Variants in TMEM39B observed in about 807,000 individuals in gnomAD.
The protein encoded by TMEM39B is transmembrane protein 39B.
TMEM39B carries 23 observed loss-of-function variants against 52.2 expected under a neutral mutation model. That is an observed-to-expected ratio of 0.44 (90% confidence interval 0.32 to 0.62). The LOEUF is 0.62. TMEM39B is among the 20% of genes least tolerant of loss of function. The pLI is 0.06. For missense variants in TMEM39B, 547 were observed against 642.0 expected, an observed-to-expected ratio of 0.85 and a Z score of 1.60; for synonymous variants, 285 against 264.0, an observed-to-expected ratio of 1.08 and a Z score of -0.77.
chr1:32,101,622 T>A (rs976445294), intron 8 of TMEM39B, among the ~76,000 whole-genome samples: 4 of 152,118 alleles, frequency 2.6e-5, no homozygotes, highest in African/African-American at 9.7e-5. Flanking sequence ...ACTGATGTCT[T>A]CATTTCACAG....
chr1:32,092,092 G>T, intron 6 of TMEM39B, 81 bp downstream of exon 6: 1 of 1,284,072 alleles, frequency 7.8e-7, no homozygotes, highest in Non-Finnish European at 1.1e-6. Context: ...TCTCCTGCTG[G>T]CCTAACTATG....
intron 5 of TMEM39B, among the ~76,000 whole-genome samples, chr1:32,078,613 T>C (rs1392194841): frequency 6.6e-6 from 1 of 152,178 alleles, no homozygotes; most frequent in African/African-American, 2.4e-5. Flanking sequence ...TTTCCCAAAA[T>C]ATTTTCTGTG....
rs1260240018 is a variant in TMEM39B, at chr1:32,075,133, A to G, written c.131+56A>G. 16 of 1,509,460 alleles carry G rather than the reference A, an allele frequency of 1.1e-5. No individual in the cohort carries two copies. The Admixed American group carries it at 3.0e-4, about 28-fold the overall frequency. The allele number at this position is 1,509,460 out of a possible 1,614,324, so 93.5% of individuals were successfully genotyped here. ...GTGGCCTCACAGGGACGATGTGGAC[A>G]GGGCTCTCTCTGACTGGATTCTAAG... On this transcript the variant is annotated intron_variant, in intron 2 of 8. Coordinates refer to ENST00000336294, the MANE Select transcript of TMEM39B (RefSeq NM_018056.4).
At chr1:32,089,455 C>T (rs545308481) in intron 5 of TMEM39B, among the ~76,000 whole-genome samples, 1 of 151,818 alleles carries the variant, frequency 6.6e-6, no homozygotes, top group African/African-American at 2.4e-5. Flanking sequence ...TTGATCCAGG[C>T]CTGTTTGACC....
chr1:32,100,386 G>C (rs1640973473), intron 7 of TMEM39B, 56 bp from the exon 8 acceptor site: 11 of 1,506,300 alleles, frequency 7.3e-6, no homozygotes, highest in Non-Finnish European at 9.7e-6. Context: ...CATTCTTCTG[G>C]TATCCCTTTT....
intron 5 of TMEM39B, among the ~76,000 whole-genome samples, chr1:32,090,411 T>C (rs1194410783): frequency 6.6e-6 from 1 of 152,106 alleles, no homozygotes; most frequent in Non-Finnish European, 1.5e-5. Context: ...AGAGCTGTTC[T>C]CATATGCACC....
intron 7 of TMEM39B, among the ~76,000 whole-genome samples, chr1:32,098,692 T>C (rs1488604600): frequency 6.6e-6 from 1 of 151,850 alleles, no homozygotes; most frequent in African/African-American, 2.4e-5. Context: ...GAGATAGAGA[T>C]AGCGCCACTG....
chr1:32,075,919 C>T (rs1639838832), intron 3 of TMEM39B, 97 bp downstream of exon 3: 1 of 798,634 alleles, frequency 1.3e-6, no homozygotes, highest in Admixed American at 2.7e-5. Flanking sequence ...GCATATCCTA[C>T]TAAGCACCAC....
rs376127721 is a variant in TMEM39B at position 32,094,911 on chromosome 1, C to G, written c.1055C>G (p.Ala352Gly). ...TGTGACCTGCTGCACAAGGCCGCCG[C>G]CCATCTGGGCTGTTGGCAGAAGGTG... The part of the protein sequence containing the change: ...SYCDLLHKAA[A>G]HLGCWQKVDP... Residue 352 changes from alanine (A) to glycine (G), a missense_variant, in exon 7 of 9, where the codon GCC (alanine) becomes GGC (glycine). By Grantham distance (60) the Ala-to-Gly change is moderately conservative (BLOSUM62 0). Transcript: ENST00000336294. 37 of 1,613,874 alleles carry G rather than the reference C, an allele frequency of 2.3e-5. No homozygotes were observed. The highest frequency in any genetic ancestry group is 2.9e-5 in the Non-Finnish European group (34 of 1,180,058).
intron 7 of TMEM39B, among the ~76,000 whole-genome samples, chr1:32,095,474 A>G (rs887606002): frequency 2.6e-5 from 4 of 152,144 alleles, no homozygotes; most frequent in African/African-American, 9.7e-5. Context: ...GCCTGGTGCC[A>G]GGATGTGGTG....
chr1:32,079,495 T>C (rs1189065833), intron 5 of TMEM39B, among the ~76,000 whole-genome samples: 1 of 152,054 alleles, frequency 6.6e-6, no homozygotes, highest in Non-Finnish European at 1.5e-5. Context: ...ACCTGTTCTA[T>C]TTCTAACCTG....
At chr1:32,075,953 C>A in intron 3 of TMEM39B, 131 bp downstream of exon 3, 1 of 618,074 alleles carries the variant, frequency 1.6e-6, no homozygotes, top group South Asian at 2.2e-5. Context: ...CCATGCTGAA[C>A]ATGGAAGGTG....
intron 1 of TMEM39B, among the ~76,000 whole-genome samples, chr1:32,074,051 GTTGTGAC>G (rs1468273038): frequency 1.3e-5 from 2 of 152,110 alleles, no homozygotes; most frequent in Admixed American, 1.3e-4. Context: ...ACCCAGTCAG[GTTGTGAC>G]TTTTTTAGGT....
intron 7 of TMEM39B, among the ~76,000 whole-genome samples, chr1:32,096,794 A>G (rs1640825978): frequency 6.8e-6 from 1 of 147,358 alleles, no homozygotes; most frequent in South Asian, 2.2e-4. Context: ...ATTTCCATAC[A>G]GTGAAATGTG....
At chr1:32,086,764 C>G (rs1339833926) in intron 5 of TMEM39B, among the ~76,000 whole-genome samples, 2 of 148,760 alleles carry the variant, frequency 1.3e-5, no homozygotes, top group Non-Finnish European at 3.0e-5. Context: ...CAGGCCCTGT[C>G]TCAAAAAAAA....
chr1:32,085,605 G>C (rs928444336), intron 5 of TMEM39B, among the ~76,000 whole-genome samples: 1 of 152,048 alleles, frequency 6.6e-6, no homozygotes, highest in African/African-American at 2.4e-5. Context: ...ACAAAAATTA[G>C]CTGGGTGTGG....
intron 7 of TMEM39B, among the ~76,000 whole-genome samples, chr1:32,099,279 T>C (rs1206752463): frequency 1.3e-5 from 2 of 149,946 alleles, no homozygotes; most frequent in African/African-American, 2.4e-5. Flanking sequence ...ATGAGAACAC[T>C]TGGACACAAG....
At chr1:32,072,102 CTA>C (rs1261870441), upstream of TMEM39B, 2 of 152,212 alleles carry the variant, frequency 1.3e-5, no homozygotes, top group African/African-American at 4.8e-5. Flanking sequence ...ACTGTAAGCT[CTA>C]TGACTATTAA....
chr1:32,090,636 G>T (rs1337353661), intron 5 of TMEM39B, among the ~76,000 whole-genome samples: 1 of 151,624 alleles, frequency 6.6e-6, no homozygotes, highest in Non-Finnish European at 1.5e-5. Flanking sequence ...TGTTGTTGTT[G>T]TTTTTTGTTT....
Sources: gnomAD v4.1 joint callset for allele counts (sites outside exome capture counted in the v4.1 genomes callset) on GRCh38, gnomAD v4.1.1 for gene constraint, MANE v1.5 for transcripts, NCBI Gene and HGNC (gene_info 2026-07-23, HGNC 2026-07-21) for gene names.